Variants in GRID1 observed in about 807,000 individuals in gnomAD.
GRID1 encodes glutamate receptor ionotropic, delta-1.
A neutral mutation model predicts 98.0 loss-of-function variants in GRID1; 28 were observed. The observed-to-expected ratio is 0.29, with a 90% confidence interval of 0.21 to 0.39. The LOEUF is 0.39. GRID1 is among the 10% of genes least tolerant of loss of function. The pLI, the probability that GRID1 is intolerant of heterozygous loss-of-function variation, is 1.00. For synonymous variants in GRID1, 553 were observed against 538.5 expected (o/e 1.03, Z -0.37); for missense variants, 1,111 against 1,340.5 (o/e 0.83, Z 2.67).
At chr10:86,001,574 G>T (rs982192240) in intron 4 of GRID1, among the ~76,000 whole-genome samples, 2 of 152,196 alleles carry the variant, frequency 1.3e-5, no homozygotes, top group Non-Finnish European at 2.9e-5. Flanking sequence ...GTTTGGGAAA[G>T]ATTTCCTGAA....
intron 6 of GRID1, among the ~76,000 whole-genome samples, chr10:85,858,202 C>T (rs745782988): frequency 2.6e-5 from 4 of 152,204 alleles, no homozygotes; most frequent in African/African-American, 4.8e-5. Flanking sequence ...AGGGCCTCTG[C>T]ATTCTGTAGG....
Position 85,620,038 on chromosome 10 carries a change from A to G in GRID1, c.2194-5T>C. ...GGCGTAGTTCCCCTTCTTTGCCTGA[A>G]AGATCAAAATTACCATGAAGTCAGG... On this transcript the variant is annotated splice_polypyrimidine_tract_variant and splice_region_variant and intron_variant, in intron 13 of 15. Transcript: ENST00000327946. 1 of 1,612,996 alleles carries G rather than the reference A, an allele frequency of 6.2e-7. No homozygotes were observed. Among genetic ancestry groups the G allele is most frequent in the South Asian group, 1.1e-5 (1 of 91,020 alleles).
intron 4 of GRID1, among the ~76,000 whole-genome samples, chr10:86,049,181 C>A (rs1416066701): frequency 6.6e-6 from 1 of 152,202 alleles, no homozygotes; most frequent in Non-Finnish European, 1.5e-5. Context: ...GTCACCATCA[C>A]ATGATGCTGA....
chr10:85,759,854 A>G lies in GRID1; in HGVS notation c.1234-30240T>C, dbSNP rs79308452. On this transcript the variant is annotated intron_variant, in intron 8 of 15. Transcript: ENST00000327946. ...TTGACCCAACCTGAAATCCTAGCTA[A>G]TTAGTGATGACATTTTAAACCTAAT... is the stretch of plus-strand genomic sequence containing the variant. 5.1e-3 allele frequency among the ~76,000 whole-genome samples: 784 copies of G among 152,320 alleles called. 11 individuals are homozygous for G. Among genetic ancestry groups the G allele is most frequent in the African/African-American group, 0.018 (749 of 41,572 alleles).
chr10:85,863,236 G>A (rs548468808), intron 6 of GRID1, among the ~76,000 whole-genome samples: 4 of 152,322 alleles, frequency 2.6e-5, no homozygotes, highest in South Asian at 2.1e-4. Flanking sequence ...TGGTGAGGAC[G>A]TGCTTTTTGG....
intron 8 of GRID1, among the ~76,000 whole-genome samples, chr10:85,829,370 C>G (rs1479609248): frequency 1.3e-5 from 2 of 152,064 alleles, no homozygotes; most frequent in African/African-American, 4.8e-5. Context: ...AAGCTGGAAG[C>G]ATTCCGCTGA....
At chr10:86,208,591 G>A (rs1361081715) in intron 2 of GRID1, among the ~76,000 whole-genome samples, 1 of 152,098 alleles carries the variant, frequency 6.6e-6, no homozygotes, top group African/African-American at 2.4e-5. Flanking sequence ...TCAAAACTCA[G>A]ACTCAGCATC....
In GRID1 at chr10:85,684,681, A is replaced by G. The variant is rs77231499; in HGVS notation, c.1998-37284T>C. On this transcript the variant is annotated intron_variant, in intron 12 of 15. Coordinates refer to ENST00000327946, the MANE Select transcript of GRID1 (RefSeq NM_017551.3). ...TCCTTTGAGAGAAGAAACAAAATGC[A>G]TAAGTCCACCATACTATTTAGCTCA... is the stretch of plus-strand genomic sequence containing the variant. Among the ~76,000 whole-genome samples the G allele has an allele frequency of 5.9e-3, 892 of 152,358 alleles. 15 individuals carry two copies. The highest frequency in any genetic ancestry group is 0.02 in the African/African-American group (850 of 41,588).
intron 2 of GRID1, among the ~76,000 whole-genome samples, chr10:86,335,593 CT>C (rs1848210925): frequency 6.6e-6 from 1 of 152,222 alleles, no homozygotes; most frequent in Non-Finnish European, 1.5e-5. Flanking sequence ...CTGCTCTATT[CT>C]TCCCCAGCCT....
At chr10:85,776,478 G>A (rs1017069197) in intron 8 of GRID1, among the ~76,000 whole-genome samples, 5 of 152,104 alleles carry the variant, frequency 3.3e-5, no homozygotes, top group Non-Finnish European at 7.4e-5. Context: ...ACAGTGCCAG[G>A]GTCCTGGCTG....
intron 4 of GRID1, among the ~76,000 whole-genome samples, chr10:86,089,493 A>G (rs556048571): frequency 6.6e-6 from 1 of 152,246 alleles, no homozygotes; most frequent in African/African-American, 2.4e-5. Flanking sequence ...TGAGCCTCAT[A>G]ACGTAATTCC....
At chr10:85,754,767 A>C (rs949978050) in intron 8 of GRID1, among the ~76,000 whole-genome samples, 1 of 152,170 alleles carries the variant, frequency 6.6e-6, no homozygotes, top group Non-Finnish European at 1.5e-5. Context: ...CTTTGGTTCA[A>C]ATTCTAGTTC....
At chr10:86,269,212 C>T (rs1197073282) in intron 2 of GRID1, among the ~76,000 whole-genome samples, 1 of 152,170 alleles carries the variant, frequency 6.6e-6, no homozygotes, top group Non-Finnish European at 1.5e-5. Context: ...TTTTCCATTG[C>T]TCAGGGTGGC....
At chr10:85,701,014 C>T (rs1164240871) in intron 12 of GRID1, among the ~76,000 whole-genome samples, 1 of 152,084 alleles carries the variant, frequency 6.6e-6, no homozygotes, top group Non-Finnish European at 1.5e-5. Flanking sequence ...GATATTCATC[C>T]TTACTCTTTT....
Position 86,279,648 on chromosome 10 carries a change from T to G in GRID1, c.236-73000A>C, listed in dbSNP as rs532141094. Among the ~76,000 whole-genome samples, 6 of 152,370 alleles carry G rather than the reference T, an allele frequency of 3.9e-5. No homozygotes were observed. The South Asian group carries it at 1.2e-3, about 32-fold the overall frequency. ...ATAAAAACCTACAGCTAACATCATA[T>G]TTAGTGTTGAAAGACTGAATAGGAT... is the stretch of plus-strand genomic sequence containing the variant. On this transcript the variant is annotated intron_variant, in intron 2 of 15. Coordinates refer to ENST00000327946, the MANE Select transcript of GRID1 (RefSeq NM_017551.3).
At chr10:86,296,822 CATACATACATAA>C (rs1847600211) in intron 2 of GRID1, among the ~76,000 whole-genome samples, 2 of 129,800 alleles carry the variant, frequency 1.5e-5, no homozygotes, top group African/African-American at 7.3e-5. Context: ...TACATACATA[CATACATACATAA>C]AAATGATTAT....
At position 86,365,619 on chromosome 10, in the gene GRID1, A is replaced by C. The variant is rs1362748847; in HGVS notation, c.79+695T>G. Among the ~76,000 whole-genome samples, 1 of 149,210 alleles carries C rather than the reference A, an allele frequency of 6.7e-6. No individual in the cohort carries two copies. Among genetic ancestry groups the C allele is most frequent in the African/African-American group, 2.5e-5 (1 of 40,312 alleles). ...CGTCTGGGCCCCCAAGACTTGGACCACGCAAAACTCTAGGACTGTCCAGGA... is the reference window on the plus strand; with the variant it reads ...CGTCTGGGCCCCCAAGACTTGGACCCCGCAAAACTCTAGGACTGTCCAGGA... On this transcript the variant is annotated intron_variant, in intron 1 of 15. Transcript: ENST00000327946. The surrounding 1 kb of genome is among the most constrained non-coding windows in gnomAD (Gnocchi z 4.8).
At chr10:85,678,841 C>A (rs373056349) in intron 12 of GRID1, among the ~76,000 whole-genome samples, 16 of 152,142 alleles carry the variant, frequency 1.1e-4, no homozygotes, top group African/African-American at 3.9e-4. Context: ...CTCACTTCTG[C>A]AACTTTGGTT....
At chr10:85,708,840 A>T (rs1456728362) in intron 12 of GRID1, 1 of 167,344 alleles carries the variant, frequency 6.0e-6, no homozygotes, top group Non-Finnish European at 1.3e-5. Context: ...TGACCTCCAC[A>T]TATGAAATAG....
Sources: allele counts gnomAD v4.1 joint callset (sites outside exome capture counted in the v4.1 genomes callset), GRCh38; gene constraint gnomAD v4.1.1; non-coding constraint Gnocchi (gnomAD v3.1); transcripts MANE v1.5; gene names NCBI Gene and HGNC (gene_info 2026-07-23, HGNC 2026-07-21).